Variants in RTTN observed in about 807,000 individuals in gnomAD.
The protein encoded by RTTN is rotatin.
In RTTN, 182 loss-of-function variants were observed where a neutral mutation model predicts 269.2. The observed-to-expected ratio is 0.68, with a 90% CI of 0.60 to 0.76. The LOEUF is 0.76. Among genes scored for constraint, RTTN ranks in the 30% least tolerant of loss-of-function variants. RTTN has a pLI of 0.00. For synonymous variants in RTTN, 1,006 were observed against 963.5 expected, an observed-to-expected ratio of 1.04 and a Z score of -0.82; for missense variants, 2,545 against 2,608.6, an observed-to-expected ratio of 0.98 and a Z score of 0.53.
chr18:70,050,297 T>C (rs1033862948), intron 39 of RTTN, among the ~76,000 whole-genome samples: 2 of 152,172 alleles, frequency 1.3e-5, no homozygotes, highest in Admixed American at 6.5e-5. Flanking sequence ...AGATGACATT[T>C]ATGCGGCCGA....
At chr18:70,193,182 A>C (rs1292786138) in intron 8 of RTTN, 106 bp downstream of exon 8, 5 of 1,125,744 alleles carry the variant, frequency 4.4e-6, no homozygotes, top group Non-Finnish European at 6.0e-6. Flanking sequence ...GTTTCAAAAA[A>C]AAAAAAAAAA....
intron 28 of RTTN, among the ~76,000 whole-genome samples, chr18:70,097,356 T>G (rs1007206137): frequency 2.6e-5 from 4 of 152,232 alleles, no homozygotes. Context: ...ACAATGACTT[T>G]GTTTCAATGT....
intron 10 of RTTN, among the ~76,000 whole-genome samples, chr18:70,179,384 A>G (rs1362447858): frequency 6.6e-6 from 1 of 152,222 alleles, no homozygotes; most frequent in Non-Finnish European, 1.5e-5. Flanking sequence ...TGATGAATTG[A>G]GTACTTCTCA....
At chr18:70,027,784 A>G (rs1328857135) in intron 43 of RTTN, among the ~76,000 whole-genome samples, 3 of 152,196 alleles carry the variant, frequency 2.0e-5, no homozygotes, top group African/African-American at 7.2e-5. Context: ...AATTGTATAA[A>G]TAAATACTTA....
intron 40 of RTTN, among the ~76,000 whole-genome samples, chr18:70,036,632 C>T (rs1007680114): frequency 6.6e-6 from 1 of 152,034 alleles, no homozygotes; most frequent in African/African-American, 2.4e-5. Context: ...AATCTATACA[C>T]CAAACCCCCA....
chr18:70,051,433 G>T lies in RTTN; in HGVS notation c.5301C>A (p.Ala1767=), dbSNP rs747247733. ...TACCAATCGCCGCTGTCCAGTGCTT[G>T]GCCAGGGCCACGGTAACAAACGGGA... is the stretch of plus-strand genomic sequence containing the variant. ...ITLPFVTVAL[A]KHWTAAIDMF... is the part of the protein sequence containing the mutation. Residue 1767 remains alanine, a synonymous_variant, in exon 39 of 49, where the codon GCC becomes GCA. Coordinates refer to ENST00000640769, the MANE Select transcript of RTTN (RefSeq NM_173630.4). 1 of 1,613,518 alleles carries T rather than the reference G, an allele frequency of 6.2e-7. No individual in the cohort carries two copies. The highest frequency in any genetic ancestry group is 1.1e-5 in the South Asian group (1 of 90,952).
At chr18:70,197,478 GA>G in intron 6 of RTTN, 145 bp downstream of exon 6, 1 of 657,322 alleles carries the variant, frequency 1.5e-6, no homozygotes, top group Non-Finnish European at 2.8e-6. Flanking sequence ...CCAAGTTAGC[GA>G]ATAAGTGCTT....
chr18:70,124,321 T>C (rs570832073), intron 25 of RTTN, among the ~76,000 whole-genome samples: 2 of 152,124 alleles, frequency 1.3e-5, no homozygotes, highest in East Asian at 3.9e-4. Context: ...GCCAACTGTA[T>C]ACTATGACTT....
intron 13 of RTTN, 133 bp from the exon 14 acceptor site, chr18:70,166,321 C>T (rs2145906800): frequency 1.3e-6 from 1 of 796,858 alleles, no homozygotes; most frequent in Non-Finnish European, 2.0e-6. Context: ...ATAACCAATA[C>T]TAGCAAGTAC....
At chr18:70,014,818 C>T (rs984994236) in intron 46 of RTTN, among the ~76,000 whole-genome samples, 6 of 152,140 alleles carry the variant, frequency 3.9e-5, no homozygotes, top group Non-Finnish European at 8.8e-5. Context: ...TGGGGAATCG[C>T]GGCTTCTGTC....
rs1369276769 is a variant in RTTN at position 70,203,820 on chromosome 18, C to CA, written c.397+265dup. ...CTCAATAAAAATACATTGTTATTGCCAAAAAAATAATCTGTCAAACTGGCC... is the reference window on the plus strand; with the variant it reads ...CTCAATAAAAATACATTGTTATTGCCAAAAAAAATAATCTGTCAAACTGGCC... On this transcript the variant is annotated intron_variant, in intron 3 of 48. Coordinates refer to ENST00000640769, the MANE Select transcript of RTTN (RefSeq NM_173630.4). 3.9e-5 allele frequency among the ~76,000 whole-genome samples: 6 copies of CA among 152,114 alleles called. No individual in the cohort carries two copies. In the East Asian group the frequency reaches 1.2e-3, roughly 29 times the overall value.
At chr18:70,067,732 G>A (rs1283743365) in intron 34 of RTTN, among the ~76,000 whole-genome samples, 2 of 152,094 alleles carry the variant, frequency 1.3e-5, no homozygotes, top group African/African-American at 4.8e-5. Context: ...ACTCAAGAAG[G>A]CCTTATTACT....
At chr18:70,041,432 G>C (rs1189155048) in intron 40 of RTTN, among the ~76,000 whole-genome samples, 1 of 151,980 alleles carries the variant, frequency 6.6e-6, no homozygotes, top group African/African-American at 2.4e-5. Flanking sequence ...AGATGGATGA[G>C]AGGCAAGTGT....
intron 21 of RTTN, among the ~76,000 whole-genome samples, chr18:70,135,998 C>T (rs2060115189): frequency 6.6e-6 from 1 of 152,022 alleles, no homozygotes; most frequent in African/African-American, 2.4e-5. Flanking sequence ...GGAATAACAA[C>T]ATAATACACA....
Position 70,188,210 on chromosome 18 carries a change from C to A in RTTN, c.1203G>T (p.Val401=), listed in dbSNP as rs2061591198. The part of the protein sequence containing the change: ...VPLLRTGSRQ[V]IIRVLELLTE... ...TAAGCAATTCCAGAACTCTTATTAT[C>A]ACTTGTCTGCTACCTAGGAATACAA... Residue 401 remains valine, a synonymous_variant, in exon 10 of 49, where the codon GTG becomes GTT. Transcript: ENST00000640769. The A allele has an allele frequency of 5.7e-6, 9 of 1,590,278 alleles. No individual in the cohort carries two copies. Among genetic ancestry groups the A allele is most frequent in the African/African-American group, 1.3e-5 (1 of 74,302 alleles).
intron 9 of RTTN, among the ~76,000 whole-genome samples, chr18:70,189,275 AGTATGAGTACAC>A (rs1238228254): frequency 2.0e-5 from 3 of 152,254 alleles, no homozygotes; most frequent in African/African-American, 7.2e-5. Flanking sequence ...CTGAGTAAAA[AGTATGAGTACAC>A]AGTTTTCCTC....
rs1349539198 is a variant in RTTN at position 70,051,537 on chromosome 18, T to C, written c.5197A>G (p.Ile1733Val). The stretch of plus-strand genomic sequence containing the variant: ...GTCCATGTGTGATAAAAAGCTGATA[T>C]TAACTCTTTATCTATAAAATTAATC... ...CTKDVLDKEL[I>V]SAFYHTWTHL... Residue 1733 changes from isoleucine (I) to valine (V), a missense_variant, in exon 39 of 49, where the codon ATA becomes GTA. Transcript: ENST00000640769. 1.2e-6 allele frequency: 2 copies of C among 1,600,976 alleles called. No homozygotes were observed. The highest frequency in any genetic ancestry group is 2.2e-5 in the South Asian group (2 of 89,558).
chr18:70,106,805 G>A (rs1359491287), intron 28 of RTTN, among the ~76,000 whole-genome samples: 1 of 151,916 alleles, frequency 6.6e-6, no homozygotes, highest in Admixed American at 6.6e-5. Context: ...AAAAAAAACA[G>A]GAGGTTATAG....
intron 10 of RTTN, among the ~76,000 whole-genome samples, chr18:70,187,811 C>T (rs577160203): frequency 1.3e-5 from 2 of 152,086 alleles, no homozygotes; most frequent in African/African-American, 4.8e-5. Context: ...AATAAACTCA[C>T]GATCTTTAAA....
Sources: gnomAD v4.1 joint callset for allele counts (sites outside exome capture counted in the v4.1 genomes callset) on GRCh38, gnomAD v4.1.1 for gene constraint, MANE v1.5 for transcripts, NCBI Gene and HGNC (gene_info 2026-07-23, HGNC 2026-07-21) for gene names.